Variants in PRRC2C observed in about 807,000 individuals in gnomAD.
PRRC2C encodes proline rich coiled-coil 2C.
In PRRC2C, 72 loss-of-function variants were observed where a neutral mutation model predicts 317.2. The observed-to-expected ratio is 0.23, with a 90% confidence interval of 0.19 to 0.28. The LOEUF (loss-of-function observed/expected upper bound fraction) is 0.28, where lower values mean the gene tolerates loss of function less well. Ranked by LOEUF, PRRC2C falls within the 10% of genes least tolerant of loss-of-function variation. The pLI, the probability that PRRC2C is intolerant of heterozygous loss-of-function variation, is 1.00. For synonymous variants in PRRC2C, 1,296 were observed against 1,205.9 expected (o/e 1.07, Z -1.55); for missense variants, 3,074 against 3,459.7 (o/e 0.89, Z 2.80).
Position 171,542,132 on chromosome 1 carries a change from C to G in PRRC2C, c.4666C>G (p.Arg1556Gly). ...SSQRPVDRQN[R>G]RGNNGPPKSG... ...TCAGAGACCAGTAGATCGTCAGAATCGACGTGGCAACAATGGTCCACCCAA... is the reference window on the plus strand; with the variant it reads ...TCAGAGACCAGTAGATCGTCAGAATGGACGTGGCAACAATGGTCCACCCAA... Residue 1556 changes from arginine to glycine, a missense_variant, in exon 16 of 35, where the codon CGA (arginine) becomes GGA (glycine). Physicochemically the swap from Arg to Gly is moderately radical, Grantham distance 125. Coordinates refer to ENST00000647382, the MANE Select transcript of PRRC2C (RefSeq NM_001387844.1). 1.2e-6 allele frequency: 2 copies of G among 1,612,888 alleles called. No individual in the cohort carries two copies. The highest frequency in any genetic ancestry group is 1.7e-6 in the Non-Finnish European group (2 of 1,179,430).
At position 171,536,103 on chromosome 1, in the gene PRRC2C, G is replaced by A. The variant is rs749445751; in HGVS notation, c.2118G>A (p.Pro706=). 72 of 1,563,196 alleles carry A rather than the reference G, an allele frequency of 4.6e-5. No homozygotes were observed. The highest frequency in any genetic ancestry group is 1.9e-4 in the South Asian group (16 of 85,122). Residue 706 remains proline (P), a synonymous_variant, in exon 14 of 35, where the codon CCG becomes CCA. Transcript: ENST00000647382. ...TTCCACAGACTGTTCCTTCACAACCGTCCAGTAGTACTGTCCCTCCTCCAC... is the reference window on the plus strand; with the variant it reads ...TTCCACAGACTGTTCCTTCACAACCATCCAGTAGTACTGTCCCTCCTCCAC... ...GVLPQTVPSQ[P]SSSTVPPPPH...
intron 19 of PRRC2C, among the ~76,000 whole-genome samples, chr1:171,558,545 T>C (rs1264188694): frequency 1.3e-5 from 2 of 152,218 alleles, no homozygotes; most frequent in African/African-American, 4.8e-5. Flanking sequence ...TCTTGCAATA[T>C]GTCAAATTTT....
chr1:171,541,451 G>A lies in PRRC2C; in HGVS notation c.3985G>A (p.Asp1329Asn), dbSNP rs144742399. ...LLEKPYVRDD[D>N]KAKPGFLPKG... is the part of the protein sequence containing the mutation. ...AGAAAAGCCTTATGTAAGGGATGAC[G>A]ATAAAGCTAAACCAGGCTTTCTTCC... Residue 1329 changes from aspartate to asparagine, a missense_variant, in exon 16 of 35, where the codon GAT (aspartate) becomes AAT (asparagine). This residue lies in a region of PRRC2C where 1,320 missense variants were observed against 1,395.7 expected (regional missense o/e 0.95). Coordinates refer to ENST00000647382, the MANE Select transcript of PRRC2C (RefSeq NM_001387844.1). The surrounding 1 kb of genome is among the most constrained non-coding windows in gnomAD (Gnocchi z 4.1). 533 of 1,613,780 alleles carry A rather than the reference G, an allele frequency of 3.3e-4. 2 individuals are homozygous for A. In the African/African-American group the frequency reaches 5.9e-3, roughly 18 times the overall value.
Position 171,512,210 on chromosome 1 carries a change from A to G in PRRC2C, c.112+10A>G. 6.7e-7 allele frequency: 1 copy of G among 1,487,198 alleles called. No homozygotes were observed. Among genetic ancestry groups the G allele is most frequent in the Non-Finnish European group, 9.2e-7 (1 of 1,085,786 alleles). 92.1% of individuals were successfully genotyped at this position (1,487,198 alleles called of 1,614,324 possible). On this transcript the variant is annotated intron_variant, in intron 2 of 34. Coordinates refer to ENST00000647382, the MANE Select transcript of PRRC2C (RefSeq NM_001387844.1). ...ACACAGAAAACCACAGGTGAGTAAA[A>G]TCAAGTGACACTTATGTTTTTCATG...
At chr1:171,488,528 CTG>C (rs1185623736) in intron 1 of PRRC2C, among the ~76,000 whole-genome samples, 3 of 152,214 alleles carry the variant, frequency 2.0e-5, no homozygotes, top group Non-Finnish European at 4.4e-5. Flanking sequence ...AGACCTAACT[CTG>C]TTGCCCTGGC....
At chr1:171,514,703 C>A in intron 4 of PRRC2C, 58 bp downstream of exon 4, 1 of 1,382,624 alleles carries the variant, frequency 7.2e-7, no homozygotes, top group Non-Finnish European at 1.0e-6. Flanking sequence ...AACAGCCATG[C>A]AGGAGATAAG....
rs747777661 is a variant in PRRC2C at position 171,536,221 on chromosome 1, A to G, written c.2236A>G (p.Met746Val). The G allele has an allele frequency of 3.7e-6, 6 of 1,613,728 alleles. No individual in the cohort carries two copies. Among genetic ancestry groups the G allele is most frequent in the East Asian group, 4.5e-5 (2 of 44,874 alleles). Residue 746 changes from methionine to valine, a missense_variant, in exon 14 of 35, where the codon ATG becomes GTG. By Grantham distance (21) the Met-to-Val change is conservative. Coordinates refer to ENST00000647382, the MANE Select transcript of PRRC2C (RefSeq NM_001387844.1). The part of the protein sequence containing the change: ...DPRWLMMQSY[M>V]DPRMMSGRPA... Reference sequence around the variant, plus strand: ...AAGGTGGCTCATGATGCAGTCCTACATGGATCCTCGAATGATGTCAGGAAG... The same window carrying G: ...AAGGTGGCTCATGATGCAGTCCTACGTGGATCCTCGAATGATGTCAGGAAG...
At chr1:171,500,712 A>G (rs908573104) in intron 1 of PRRC2C, among the ~76,000 whole-genome samples, 2 of 152,198 alleles carry the variant, frequency 1.3e-5, no homozygotes, top group Non-Finnish European at 2.9e-5. Flanking sequence ...GTTAATGTAT[A>G]TATTAAACTG....
At chr1:171,567,518 A>G (rs1683907811) in intron 22 of PRRC2C, among the ~76,000 whole-genome samples, 1 of 152,220 alleles carries the variant, frequency 6.6e-6, no homozygotes, top group Admixed American at 6.5e-5. Flanking sequence ...GAATTCATAT[A>G]AGTAATAGCT....
chr1:171,573,779 C>T lies in PRRC2C; in HGVS notation c.6754-1148C>T, dbSNP rs1489555649. Among the ~76,000 whole-genome samples, 10 of 146,644 alleles carry T rather than the reference C, an allele frequency of 6.8e-5. No individual in the cohort carries two copies. In the East Asian group the frequency reaches 8.2e-4, roughly 12 times the overall value. ...CTGCAACCTCTGCCTCCCGGGTTCA[C>T]GCAATTCTCCTGCCTCAGCCTCCCG... On this transcript the variant is annotated intron_variant, in intron 24 of 34. Transcript: ENST00000647382.
chr1:171,518,462 A>ATTTTCTTCAAT (rs1361751271), intron 6 of PRRC2C, among the ~76,000 whole-genome samples: 1 of 99,150 alleles, frequency 1.0e-5, no homozygotes, highest in Non-Finnish European at 2.1e-5. Context: ...TACTTTTAAT[A>ATTTTCTTCAAT]TTTTTTTCAA....
chr1:171,560,917 A>G, intron 19 of PRRC2C, 101 bp from the exon 20 acceptor site: 1 of 896,196 alleles, frequency 1.1e-6, no homozygotes, highest in Non-Finnish European at 1.9e-6. Context: ...TTCCCTGGCT[A>G]GTAATAGCTA....
chr1:171,561,226 T>G, intron 20 of PRRC2C, 123 bp downstream of exon 20: 1 of 934,068 alleles, frequency 1.1e-6, no homozygotes, highest in Non-Finnish European at 1.7e-6. Context: ...GTCCGGGAGT[T>G]TGAGACCAGC....
rs1676674298 is a variant in PRRC2C, at chr1:171,535,614, T to G, written c.2043+17T>G. The stretch of plus-strand genomic sequence containing the variant: ...CGGCAGCAGGTAATGATAAAAATAT[T>G]TTATCATGTATGTGTGATTGAAGTG... On this transcript the variant is annotated intron_variant, in intron 13 of 34. Transcript: ENST00000647382. 1.2e-5 allele frequency: 20 copies of G among 1,611,426 alleles called. No homozygotes were observed. Among genetic ancestry groups the G allele is most frequent in the Non-Finnish European group, 1.4e-5 (16 of 1,178,412 alleles).
At chr1:171,583,850 T>G in intron 28 of PRRC2C, 106 bp from the exon 29 acceptor site, 2 of 892,150 alleles carry the variant, frequency 2.2e-6, no homozygotes, top group Non-Finnish European at 3.4e-6. Context: ...TAAAATGTCA[T>G]GCAGCACATG....
rs1276877263 is a variant in PRRC2C at position 171,513,057 on chromosome 1, C to A, written c.175C>A (p.Pro59Thr). ...KVGISRRMPP[P>T]ANLPSLKAEN... The stretch of plus-strand genomic sequence containing the variant: ...CGGTATTTCACGGCGTATGCCTCCA[C>A]CTGCTAACCTCCCAAGTCTTAAAGC... Residue 59 changes from proline to threonine, a missense_variant, in exon 3 of 35, where the codon CCT becomes ACT. By Grantham distance (38) the Pro-to-Thr change is conservative. Coordinates refer to ENST00000647382, the MANE Select transcript of PRRC2C (RefSeq NM_001387844.1). 1 of 1,613,792 alleles carries A rather than the reference C, an allele frequency of 6.2e-7. No individual in the cohort carries two copies.
chr1:171,566,680 A>G lies in PRRC2C; in HGVS notation c.6395A>G (p.Asp2132Gly). The change falls in exon 22 of 35, where the codon GAT becomes GGT. Residue 2132 changes from aspartate (D) to glycine (G), a missense_variant. Asp to Gly is a moderately conservative substitution (Grantham distance 94). This residue lies in a region of PRRC2C where 640 missense variants were observed against 676.1 expected (regional missense o/e 0.95). Transcript: ENST00000647382. ...TCATTAAAAAATAGAAAAGTAAAAG[A>G]TGCCCAACAGGTGGAGCCAGAAGGA... is the stretch of plus-strand genomic sequence containing the variant. ...ERSLKNRKVK[D>G]AQQVEPEGQE... 1.9e-6 allele frequency: 3 copies of G among 1,612,798 alleles called. No individual in the cohort carries two copies. The highest frequency in any genetic ancestry group is 2.5e-6 in the Non-Finnish European group (3 of 1,179,312).
At chr1:171,583,903 G>A (rs1276399684) in intron 28 of PRRC2C, 53 bp from the exon 29 acceptor site, 3 of 1,475,082 alleles carry the variant, frequency 2.0e-6, no homozygotes, top group Non-Finnish European at 2.8e-6. Flanking sequence ...AAGATTTTCA[G>A]ATTCCAGATG....
In PRRC2C at chr1:171,587,761, G is replaced by A. The variant is rs1319486633; in HGVS notation, c.8072+10G>A. The A allele has an allele frequency of 1.3e-6, 2 of 1,583,282 alleles. No individual in the cohort carries two copies. The highest frequency in any genetic ancestry group is 1.7e-6 in the Non-Finnish European group (2 of 1,153,280). On this transcript the variant is annotated intron_variant, in intron 32 of 34. Coordinates refer to ENST00000647382, the MANE Select transcript of PRRC2C (RefSeq NM_001387844.1). The stretch of plus-strand genomic sequence containing the variant: ...CATCTAGTCCCTTCCGGTAAAATGG[G>A]CATTTAAATTTGCTTATGAAATTCC...
Sources: allele counts gnomAD v4.1 joint callset (sites outside exome capture counted in the v4.1 genomes callset), GRCh38; gene constraint gnomAD v4.1.1; regional missense constraint gnomAD v4.1.1; non-coding constraint Gnocchi (gnomAD v3.1); transcripts MANE v1.5; gene names NCBI Gene and HGNC (gene_info 2026-07-23, HGNC 2026-07-21).